CLVS1: variants seen among roughly 807,000 people sequenced by gnomAD.
CLVS1 encodes clavesin 1, also known as clavesin-1.
A neutral mutation model predicts 33.1 loss-of-function variants in CLVS1; 10 were observed. The observed-to-expected ratio is 0.30, with a 90% CI of 0.19 to 0.51. The LOEUF is 0.51. CLVS1 is among the 20% of genes least tolerant of loss of function. The probability of loss-of-function intolerance (pLI) is 0.97; values close to 1 mark genes in which losing one functional copy is unlikely to be tolerated. For missense variants in CLVS1, 343 were observed against 433.4 expected (o/e 0.79, Z 1.85); for synonymous variants, 163 against 166.1 (o/e 0.98, Z 0.14).
intron 2 of CLVS1, among the ~76,000 whole-genome samples, chr8:61,309,368 C>T (rs533352165): frequency 3.3e-5 from 5 of 152,264 alleles, no homozygotes; most frequent in Non-Finnish European, 5.9e-5. Flanking sequence ...TTGTGTGTTT[C>T]CTGAAGGTTC....
At chr8:61,336,116 T>G (rs1326714068) in intron 2 of CLVS1, among the ~76,000 whole-genome samples, 1 of 152,096 alleles carries the variant, frequency 6.6e-6, no homozygotes, top group Non-Finnish European at 1.5e-5. Flanking sequence ...CTAACCTGGG[T>G]TGGGAAACTG....
chr8:61,068,155 G>C (rs1042195830), intron 1 of CLVS1, among the ~76,000 whole-genome samples: 2 of 149,916 alleles, frequency 1.3e-5, no homozygotes, highest in African/African-American at 4.9e-5. Flanking sequence ...CTGGGTGACA[G>C]AGCGAGACTC....
At chr8:61,338,750 A>T (rs935248859) in intron 2 of CLVS1, among the ~76,000 whole-genome samples, 2 of 152,050 alleles carry the variant, frequency 1.3e-5, no homozygotes, top group South Asian at 4.2e-4. Flanking sequence ...GCTGACAAAC[A>T]CGCCGAGGGA....
At chr8:61,009,583 C>T in the CLVS1 span, among the ~76,000 whole-genome samples, 1 of 152,084 alleles carries the variant, frequency 6.6e-6, no homozygotes, top group Non-Finnish European at 1.5e-5. Flanking sequence ...TTTGCAAATA[C>T]CCCCTTGCCC....
Position 61,202,958 on chromosome 8 carries a change from A to G in CLVS1, c.-152+71098A>G, listed in dbSNP as rs1191390835. 2.1e-6 allele frequency: 3 copies of G among 1,452,374 alleles called. No homozygotes were observed. The African/African-American group carries it at 4.2e-5, about 20-fold the overall frequency. The allele number at this position is 1,452,374 out of a possible 1,614,324, so 90.0% of individuals were successfully genotyped here. A position where few individuals can be genotyped will look rare whatever the true frequency, so the allele number is the denominator to read the frequency against. ...CAAGATACTCCAGCCAAAAATGCAC[A>G]AAAGTCAAATCAGAATGGAAAAGAC... On this transcript the variant is annotated intron_variant, in intron 2 of 2. Coordinates refer to the CLVS1 transcript ENST00000522621.
intron 1 of CLVS1, among the ~76,000 whole-genome samples, chr8:61,088,216 C>T (rs749888327): frequency 2.6e-5 from 4 of 152,186 alleles, no homozygotes; most frequent in Non-Finnish European, 5.9e-5. Flanking sequence ...TGGCCGGGCA[C>T]GATGGCTCAC....
At chr8:61,096,815 T>C (rs1805359410) in intron 1 of CLVS1, among the ~76,000 whole-genome samples, 1 of 152,150 alleles carries the variant, frequency 6.6e-6, no homozygotes, top group Non-Finnish European at 1.5e-5. Flanking sequence ...TTAGCATGCT[T>C]CCTTTGCCTC....
At chr8:61,440,193 A>G (rs1283993782) in intron 3 of CLVS1, among the ~76,000 whole-genome samples, 2 of 152,232 alleles carry the variant, frequency 1.3e-5, no homozygotes, top group African/African-American at 4.8e-5. Flanking sequence ...TACTCAAAGC[A>G]AGAGCTCAAT....
At chr8:61,477,497 A>G (rs1482270527) in intron 5 of CLVS1, among the ~76,000 whole-genome samples, 3 of 151,892 alleles carry the variant, frequency 2.0e-5, no homozygotes, top group Admixed American at 1.3e-4. Flanking sequence ...GTCTATACAG[A>G]GATTCAACTT....
chr8:61,171,166 T>C (rs2129298471), intron 2 of CLVS1, among the ~76,000 whole-genome samples: 1 of 152,170 alleles, frequency 6.6e-6, no homozygotes, highest in East Asian at 1.9e-4. Flanking sequence ...ATATGCACAA[T>C]CATCTTTGAG....
intron 2 of CLVS1, among the ~76,000 whole-genome samples, chr8:61,193,508 TAAAGTA>T (rs1407003492): frequency 8.5e-6 from 1 of 117,980 alleles, no homozygotes; most frequent in Non-Finnish European, 2.0e-5. Flanking sequence ...CCCTAGAACT[TAAAGTA>T]TAATAAAAAA....
At chr8:61,202,602 G>A in intron 2 of CLVS1, 2 of 1,385,222 alleles carry the variant, frequency 1.4e-6, no homozygotes, top group Middle Eastern at 2.3e-4. Flanking sequence ...TGTCTGTACA[G>A]CCAACGGTTT....
At chr8:61,344,556 C>G (rs1400948997) in intron 2 of CLVS1, among the ~76,000 whole-genome samples, 1 of 152,210 alleles carries the variant, frequency 6.6e-6, no homozygotes, top group Non-Finnish European at 1.5e-5. Flanking sequence ...TAACCTCTCC[C>G]TCTTCCATGA....
At chr8:61,270,480 T>A (rs1809414243) in intron 2 of CLVS1, among the ~76,000 whole-genome samples, 2 of 152,230 alleles carry the variant, frequency 1.3e-5, no homozygotes, top group African/African-American at 4.8e-5. Flanking sequence ...ATTCCCTTTT[T>A]TTGTTGTGTC....
intron 2 of CLVS1, among the ~76,000 whole-genome samples, chr8:61,351,764 AAGG>A (rs1235157410): frequency 6.6e-6 from 1 of 152,052 alleles, no homozygotes; most frequent in African/African-American, 2.4e-5. Flanking sequence ...ATGGAAGCAG[AAGG>A]AGGAGGTACA....
chr8:61,210,005 A>C (rs1807938960), intron 2 of CLVS1, among the ~76,000 whole-genome samples: 1 of 152,248 alleles, frequency 6.6e-6, no homozygotes, highest in South Asian at 2.1e-4. Context: ...CTTCATCAAA[A>C]GAAAGATTAT....
At chr8:61,344,846 A>C (rs1812148683) in intron 2 of CLVS1, among the ~76,000 whole-genome samples, 1 of 151,984 alleles carries the variant, frequency 6.6e-6, no homozygotes, top group Non-Finnish European at 1.5e-5. Flanking sequence ...TATTAAAACC[A>C]TTTTAAATTG....
At chr8:61,077,441 GTATTATTATTATTAT>G (rs57149995) in intron 1 of CLVS1, among the ~76,000 whole-genome samples, 4,114 of 138,298 alleles carry the variant, frequency 0.03, 86 homozygotes, top group South Asian at 0.086. Context: ...CCCTCTAAAA[GTATTATTATTATTAT>G]TATTATTATT....
intron 2 of CLVS1, among the ~76,000 whole-genome samples, chr8:61,270,973 A>G (rs1267592308): frequency 3.3e-5 from 5 of 150,728 alleles, no homozygotes; most frequent in Non-Finnish European, 3.0e-5. Flanking sequence ...CAGCTCCTGG[A>G]TTCATTAATT....
Sources: allele counts gnomAD v4.1 joint callset (sites outside exome capture counted in the v4.1 genomes callset), GRCh38; gene constraint gnomAD v4.1.1; transcripts MANE v1.5; gene names NCBI Gene and HGNC (gene_info 2026-07-23, HGNC 2026-07-21).